Variants in CYP4F11 observed in about 807,000 individuals in gnomAD.
CYP4F11 encodes cytochrome P450 4F11.
A neutral mutation model predicts 62.2 loss-of-function variants in CYP4F11; 79 were observed. The ratio of observed to expected loss-of-function variants is 1.27; its 90% CI spans 1.06 to 1.53. The LOEUF is 1.53. CYP4F11 is among the 40% of genes most tolerant of loss of function. The pLI is 0.00. For synonymous variants in CYP4F11, 290 were observed against 263.7 expected (o/e 1.10, Z -0.97); for missense variants, 777 against 680.5 (o/e 1.14, Z -1.58).
chr19:15,928,973 G>A (rs78509894), intron 2 of CYP4F11, among the ~76,000 whole-genome samples: 3,466 of 152,264 alleles, frequency 0.023, 64 homozygotes, highest in Non-Finnish European at 0.035. Context: ...GCCTGGCAGC[G>A]GTACCTGTAT....
At chr19:15,915,999 T>C (rs1236162199) in intron 8 of CYP4F11, among the ~76,000 whole-genome samples, 2 of 152,034 alleles carry the variant, frequency 1.3e-5, no homozygotes, top group Non-Finnish European at 2.9e-5. Flanking sequence ...TTTATACATT[T>C]CCCTCTATCT....
chr19:15,920,632 C>T (rs2365175), intron 8 of CYP4F11, among the ~76,000 whole-genome samples: 82,473 of 151,958 alleles, frequency 0.54, 22,945 homozygotes, highest in Non-Finnish European at 0.6. Context: ...CTCTCCATCC[C>T]CAGCTCCTGG....
intron 2 of CYP4F11, among the ~76,000 whole-genome samples, chr19:15,928,829 G>A (rs1449711333): frequency 6.6e-6 from 1 of 152,094 alleles, no homozygotes; most frequent in African/African-American, 2.4e-5. Context: ...TGAATAGGGT[G>A]GATGAGTGAC....
chr19:15,914,912 G>A lies in CYP4F11; in HGVS notation c.1116-17C>T, dbSNP rs570135539. 5 of 1,612,454 alleles carry A rather than the reference G, an allele frequency of 3.1e-6. No individual in the cohort carries two copies. In the East Asian group the frequency reaches 6.7e-5, roughly 22 times the overall value. Reference sequence around the variant, plus strand: ...AGGTCGTCCCTAAGAAAACACCCCAGCCCCAATCATTATCAAGGGAACAAA... The same window carrying A: ...AGGTCGTCCCTAAGAAAACACCCCAACCCCAATCATTATCAAGGGAACAAA... On this transcript the variant is annotated splice_polypyrimidine_tract_variant and intron_variant, in intron 8 of 11. Transcript: ENST00000402119.
chr19:15,919,417 T>C (rs1048726810), intron 8 of CYP4F11, among the ~76,000 whole-genome samples: 6 of 138,914 alleles, frequency 4.3e-5, no homozygotes, highest in South Asian at 2.2e-4. Flanking sequence ...GATGGACGGA[T>C]GGATGGATGG....
chr19:15,923,747 C>A, intron 6 of CYP4F11, 65 bp downstream of exon 6: 2 of 1,555,062 alleles, frequency 1.3e-6, no homozygotes, highest in East Asian at 2.3e-5. Flanking sequence ...AGTCCAAGTT[C>A]TTTCATTTGA....
At chr19:15,919,009 C>T (rs962605717) in intron 8 of CYP4F11, among the ~76,000 whole-genome samples, 6 of 149,076 alleles carry the variant, frequency 4.0e-5, no homozygotes, top group Non-Finnish European at 5.9e-5. Flanking sequence ...ATGTAAATAG[C>T]AAAGGGCAAA....
chr19:15,931,722 GAGGAGAGGAATGAGTGAGTGA>G, intron 1 of CYP4F11, among the ~76,000 whole-genome samples: 1 of 63,800 alleles, frequency 1.6e-5, no homozygotes, highest in Non-Finnish European at 2.8e-5. Flanking sequence ...ATGAGTGAGC[GAGGAGAGGAATGAGTGAGTGA>G]GGAGAGGAAT....
intron 8 of CYP4F11, among the ~76,000 whole-genome samples, chr19:15,919,413 CGGATGGAT>C (rs56657452): frequency 4.8e-4 from 69 of 144,598 alleles, no homozygotes; most frequent in Middle Eastern, 3.5e-3. Flanking sequence ...GATGGATGGA[CGGATGGAT>C]GGATGGATGG....
In CYP4F11 at chr19:15,912,693, ATATATGTGTGTG is replaced by A. The variant is rs2089541378; in HGVS notation, c.*1027_*1038del. The A allele has an allele frequency of 7.0e-5, 3 of 42,774 alleles. No individual in the cohort carries two copies. Among genetic ancestry groups the A allele is most frequent in the African/African-American group, 2.3e-4 (3 of 12,792 alleles). The allele number at this position is 42,774 out of a possible 1,614,324, so 2.6% of individuals were successfully genotyped here. ...GAAAAAAAAAAAAATATATATATAT[ATATATGTGTGTG>A]TGTGTGTGTGTGTGTGTGTGTGTGT... On this transcript the variant is annotated 3_prime_UTR_variant, in exon 12 of 12. Transcript: ENST00000402119.
In CYP4F11 at chr19:15,913,795, C is replaced by G. The variant is rs75284625; in HGVS notation, c.1512G>C (p.Leu504=). ...THTEPRRKPE[L]ILRAEGGLWL... is the part of the protein sequence containing the mutation. ...AAAGTCCACCCTCTGCGCGCAATATCAGCTCGGGTTTCCTGCGGGGTTCAG... is the reference window on the plus strand; with the variant it reads ...AAAGTCCACCCTCTGCGCGCAATATGAGCTCGGGTTTCCTGCGGGGTTCAG... Residue 504 remains leucine, a synonymous_variant, in exon 12 of 12, where the codon CTG becomes CTC. Transcript: ENST00000402119. 2.3e-3 allele frequency: 3,635 copies of G among 1,614,214 alleles called. 93 individuals are homozygous for G. The African/African-American group carries it at 0.043, about 19-fold the overall frequency.
chr19:15,932,321 C>T (rs1366291942), intron 1 of CYP4F11, among the ~76,000 whole-genome samples: 1 of 31,596 alleles, frequency 3.2e-5, no homozygotes, highest in Admixed American at 3.2e-4. Flanking sequence ...AATGAGTGAG[C>T]GAGGAGAGGA....
intron 8 of CYP4F11, among the ~76,000 whole-genome samples, chr19:15,921,054 G>GTCTC (rs60842401): frequency 8.7e-4 from 107 of 122,424 alleles, no homozygotes; most frequent in Non-Finnish European, 1.4e-3. Flanking sequence ...CTCTCTTTCT[G>GTCTC]TCTCTCTCTC....
At chr19:15,926,160 GA>G (rs59000790) in intron 4 of CYP4F11, among the ~76,000 whole-genome samples, 37,558 of 144,676 alleles carry the variant, frequency 0.26, 5,317 homozygotes, top group East Asian at 0.59. Context: ...TGAGACTCCA[GA>G]AAAAAAAAAA....
chr19:15,919,683 C>T (rs1471113), intron 8 of CYP4F11, among the ~76,000 whole-genome samples: 112,129 of 151,996 alleles, frequency 0.74, 41,650 homozygotes, highest in Non-Finnish European at 0.77. Flanking sequence ...CTCATCATTG[C>T]TTTTGGAAGT....
At chr19:15,927,400 T>A in intron 3 of CYP4F11, 30 bp downstream of exon 3, 1 of 1,613,984 alleles carries the variant, frequency 6.2e-7, no homozygotes, top group Non-Finnish European at 8.5e-7. Context: ...CTAAAGGATA[T>A]CCCCAACCCC....
In CYP4F11 at chr19:15,924,782, C is replaced by T. The variant is rs2089656132; in HGVS notation, c.626G>A (p.Ser209Asn). Residue 209 changes from serine to asparagine, a missense_variant, in exon 5 of 12, where the codon AGC (serine) becomes AAC (asparagine). Transcript: ENST00000402119. ...TCACTCCTGACAATTGCTTTCAAAG[C>T]TGAAGACACATTTCTGCAGACTGTC... is the stretch of plus-strand genomic sequence containing the variant. ...TLDSLQKCVF[S>N]FESNCQEKPS... 1 of 1,612,304 alleles carries T rather than the reference C, an allele frequency of 6.2e-7. No individual in the cohort carries two copies.
intron 1 of CYP4F11, among the ~76,000 whole-genome samples, chr19:15,931,398 G>GT (rs1292082381): frequency 6.6e-6 from 1 of 151,868 alleles, no homozygotes; most frequent in Admixed American, 6.5e-5. Context: ...TCTTTGCTCT[G>GT]TGCACCCATA....
chr19:15,914,918 A>G (rs200976601), intron 8 of CYP4F11, 23 bp from the exon 9 acceptor site: 4 of 1,611,538 alleles, frequency 2.5e-6, no homozygotes, highest in East Asian at 4.5e-5. Flanking sequence ...CCCAGCCCCA[A>G]TCATTATCAA....
Sources: gnomAD v4.1 joint callset for allele counts (sites outside exome capture counted in the v4.1 genomes callset) on GRCh38, gnomAD v4.1.1 for gene constraint, MANE v1.5 for transcripts, NCBI Gene and HGNC (gene_info 2026-07-23, HGNC 2026-07-21) for gene names.